The following CYP4Z1 variants were observed in gnomAD, a reference collection of about 807,000 sequenced individuals.
CYP4Z1 encodes the protein cytochrome P450 family 4 subfamily Z member 1, also known as cytochrome P450 4Z1.
CYP4Z1 carries 41 observed loss-of-function variants against 54.2 expected under a neutral mutation model. The ratio of observed to expected loss-of-function variants is 0.76; its 90% CI spans 0.59 to 0.98. The LOEUF is 0.98. Ranked by LOEUF, CYP4Z1 falls within the 50% of genes least tolerant of loss-of-function variation. CYP4Z1 has a pLI of 0.00. For missense variants in CYP4Z1, 513 were observed against 599.0 expected (o/e 0.86, Z 1.50); for synonymous variants, 163 against 206.2 (o/e 0.79, Z 1.79).
At chr1:47,069,295 G>T (rs1016274667) in intron 2 of CYP4Z1, among the ~76,000 whole-genome samples, 18 of 152,370 alleles carry the variant, frequency 1.2e-4, no homozygotes, top group African/African-American at 3.6e-4. Context: ...GGCAAGATGT[G>T]TGTAGGATTC....
At chr1:47,089,188 T>C (rs1644619982) in intron 6 of CYP4Z1, among the ~76,000 whole-genome samples, 1 of 152,054 alleles carries the variant, frequency 6.6e-6, no homozygotes. Flanking sequence ...TTACAACATG[T>C]AGTCTTTATT....
rs1644570653 is a variant in CYP4Z1 at position 47,083,579 on chromosome 1, T to C, written c.493-1041T>C. The stretch of plus-strand genomic sequence containing the variant: ...GGGAGGCCAAGGTGGGTGGATGGCT[T>C]GAGCCCAGGAGTTCAAGACCAGCCT... On this transcript the variant is annotated intron_variant, in intron 4 of 11. Coordinates refer to ENST00000334194, the MANE Select transcript of CYP4Z1 (RefSeq NM_178134.3). Among the ~76,000 whole-genome samples, 6 of 152,322 alleles carry C rather than the reference T, an allele frequency of 3.9e-5. No homozygotes were observed. The South Asian group carries it at 1.2e-3, about 32-fold the overall frequency.
rs181796572 is a variant in CYP4Z1, at chr1:47,117,760, C to T, written c.1350-6C>T. ...GATGCCATGTTTTCTTTCTTGGTAT[C>T]CCCAGGAACTGCATTGGGCAGCATT... On this transcript the variant is annotated splice_region_variant and splice_polypyrimidine_tract_variant and intron_variant, in intron 11 of 11. Transcript: ENST00000334194. 765 of 1,606,250 alleles carry T rather than the reference C, an allele frequency of 4.8e-4. 5 individuals carry two copies. The Middle Eastern group carries it at 9.3e-3, about 20-fold the overall frequency.
chr1:47,077,674 G>C (rs150039925), intron 2 of CYP4Z1, among the ~76,000 whole-genome samples: 27 of 151,396 alleles, frequency 1.8e-4, no homozygotes, highest in African/African-American at 5.4e-4. Flanking sequence ...AGGGTAGGGT[G>C]CAGTGGTGTC....
At chr1:47,064,088 T>TTTC (rs1317289929), upstream of CYP4Z1, among the ~76,000 whole-genome samples, 2 of 149,462 alleles carry the variant, frequency 1.3e-5, no homozygotes, top group East Asian at 3.9e-4. Flanking sequence ...TCCTTTTTTT[T>TTTC]TTTTTTTTTT....
chr1:47,103,204 G>T (rs1405634461), intron 8 of CYP4Z1, among the ~76,000 whole-genome samples: 4 of 151,728 alleles, frequency 2.6e-5, no homozygotes, highest in Non-Finnish European at 5.9e-5. Flanking sequence ...TTAAGAGAGA[G>T]AGTCTCACTC....
chr1:47,082,266 C>T (rs1644560163), intron 3 of CYP4Z1, 68 bp from the exon 4 acceptor site: 3 of 1,538,728 alleles, frequency 1.9e-6, no homozygotes, highest in South Asian at 1.3e-5. Flanking sequence ...GAATTGCTCA[C>T]TGCGTGCCTA....
chr1:47,060,738 C>G, the CYP4Z1 span, among the ~76,000 whole-genome samples: 1 of 152,272 alleles, frequency 6.6e-6, no homozygotes, highest in South Asian at 2.1e-4. Flanking sequence ...TATCCCAAAA[C>G]AGCAGAATAT....
intron 9 of CYP4Z1, among the ~76,000 whole-genome samples, chr1:47,110,770 A>T (rs1644787348): frequency 6.6e-6 from 1 of 151,136 alleles, no homozygotes; most frequent in African/African-American, 2.4e-5. Context: ...TACTGCCAGG[A>T]TATAAACCTA....
intron 10 of CYP4Z1, 79 bp from the exon 11 acceptor site, chr1:47,116,571 T>G: frequency 6.3e-6 from 3 of 476,204 alleles, no homozygotes; most frequent in Non-Finnish European, 9.1e-6. Context: ...TATCTATGGA[T>G]TTCGTTTTTG....
chr1:47,067,777 C>A, intron 1 of CYP4Z1, 110 bp downstream of exon 1: 4 of 991,120 alleles, frequency 4.0e-6, no homozygotes, highest in African/African-American at 3.3e-5. Flanking sequence ...GCTTTCACAC[C>A]AATCTCATTG....
upstream of CYP4Z1, among the ~76,000 whole-genome samples, chr1:47,064,331 C>G (rs1644439192): frequency 6.6e-6 from 1 of 152,052 alleles, no homozygotes; most frequent in Non-Finnish European, 1.5e-5. Context: ...ATCCACCCAC[C>G]TCAGCTTCCC....
At position 47,116,700 on chromosome 1, in the gene CYP4Z1, C is replaced by T; in HGVS notation, c.1317C>T (p.Pro439=). 1 of 1,611,912 alleles carries T rather than the reference C, an allele frequency of 6.2e-7. No individual in the cohort carries two copies. The highest frequency in any genetic ancestry group is 8.5e-7 in the Non-Finnish European group (1 of 1,178,630). The change falls in exon 11 of 12, where the codon CCC becomes CCT. Residue 439 remains proline (P), a synonymous_variant. Transcript: ENST00000334194. ...FSRENSEKIH[P]YAFIPFSAGL... ...GGGAAAATTCTGAAAAAATACATCC[C>T]TATGCCTTCATACCATTCTCAGCTG... is the stretch of plus-strand genomic sequence containing the variant.
chr1:47,110,076 G>A (rs6704089), intron 9 of CYP4Z1, among the ~76,000 whole-genome samples: 42,885 of 121,594 alleles, frequency 0.35, 8,307 homozygotes, highest in East Asian at 0.94. Context: ...CTCATAAGGT[G>A]TCAGTGTGAT....
chr1:47,108,726 A>G (rs1187053342), intron 9 of CYP4Z1, among the ~76,000 whole-genome samples: 6 of 152,174 alleles, frequency 3.9e-5, no homozygotes, highest in Non-Finnish European at 7.3e-5. Flanking sequence ...TGAGCATACT[A>G]TGATGTGCAA....
chr1:47,063,917 T>G (rs9729896), upstream of CYP4Z1, among the ~76,000 whole-genome samples: 45,402 of 151,720 alleles, frequency 0.3, 7,462 homozygotes, highest in East Asian at 0.7. Flanking sequence ...CACAAAAAGT[T>G]CATCACCTAG....
intron 4 of CYP4Z1, 99 bp from the exon 5 acceptor site, chr1:47,084,521 T>C (rs1644577493): frequency 1.3e-6 from 2 of 1,540,550 alleles, no homozygotes; most frequent in African/African-American, 2.8e-5. Flanking sequence ...GTACGCTTTA[T>C]ATTTTCAAAC....
At chr1:47,075,670 C>G (rs1254381648) in intron 2 of CYP4Z1, 2 of 151,630 alleles carry the variant, frequency 1.3e-5, no homozygotes, top group African/African-American at 5.3e-5. Context: ...AAAGTGCCCT[C>G]AAGTATAGTT....
intron 9 of CYP4Z1, among the ~76,000 whole-genome samples, chr1:47,111,828 C>T (rs1180948040): frequency 3.3e-5 from 5 of 151,980 alleles, no homozygotes; most frequent in Non-Finnish European, 7.4e-5. Context: ...AAAAATTTTT[C>T]AAAAAGTTTC....
Sources: gnomAD v4.1 joint callset for allele counts (sites outside exome capture counted in the v4.1 genomes callset) on GRCh38, gnomAD v4.1.1 for gene constraint, MANE v1.5 for transcripts, NCBI Gene and HGNC (gene_info 2026-07-23, HGNC 2026-07-21) for gene names.